Variants in ABCA13 observed in about 807,000 individuals in gnomAD.
ABCA13 encodes ATP binding cassette subfamily A member 13, also known as ATP-binding cassette sub-family A member 13.
Under a neutral mutation model 478.7 loss-of-function variants are expected in ABCA13, and 476 were observed. The ratio of observed to expected loss-of-function variants is 0.99; its 90% confidence interval spans 0.92 to 1.07. ABCA13 has a LOEUF of 1.07. ABCA13 is among the 50% of genes least tolerant of loss of function. The pLI is 0.00. For missense variants in ABCA13, 6,060 were observed against 5,910.6 expected (o/e 1.03, Z -0.83); for synonymous variants, 2,252 against 2,158.9 (o/e 1.04, Z -1.20).
chr7:48,249,718 A>C (rs1223915957), intron 15 of ABCA13, among the ~76,000 whole-genome samples: 1 of 152,190 alleles, frequency 6.6e-6, no homozygotes, highest in South Asian at 2.1e-4. Context: ...ATTAAGATTG[A>C]TGCTCACACT....
At chr7:48,472,598 G>T (rs1400679099) in intron 45 of ABCA13, among the ~76,000 whole-genome samples, 1 of 152,116 alleles carries the variant, frequency 6.6e-6, no homozygotes, top group African/African-American at 2.4e-5. Context: ...TGTAATAAGT[G>T]AAAGAAAGAG....
At chr7:48,316,759 A>C (rs887017209) in intron 26 of ABCA13, among the ~76,000 whole-genome samples, 1 of 152,218 alleles carries the variant, frequency 6.6e-6, no homozygotes, top group African/African-American at 2.4e-5. Context: ...TGCCATGTGC[A>C]GAGATCACAG....
chr7:48,562,892 A>C (rs1487013615), intron 55 of ABCA13, among the ~76,000 whole-genome samples: 1 of 152,076 alleles, frequency 6.6e-6, no homozygotes, highest in Non-Finnish European at 1.5e-5. Context: ...TGATACTAAT[A>C]TGTTGTGATT....
At chr7:48,293,890 C>T (rs1798940918) in intron 20 of ABCA13, among the ~76,000 whole-genome samples, 1 of 152,030 alleles carries the variant, frequency 6.6e-6, no homozygotes, top group Non-Finnish European at 1.5e-5. Context: ...TCCAGATGTT[C>T]CCCAGAGTCT....
Position 48,274,932 on chromosome 7 carries a change from C to T in ABCA13, c.5266C>T (p.Leu1756Phe). 6.2e-7 allele frequency: 1 copy of T among 1,613,838 alleles called. No homozygotes were observed. Among genetic ancestry groups the T allele is most frequent in the Non-Finnish European group, 8.5e-7 (1 of 1,179,762 alleles). Residue 1756 changes from leucine (L) to phenylalanine (F), a missense_variant, in exon 17 of 62, where the codon CTC becomes TTC. Leu to Phe is a conservative substitution (Grantham distance 22). This residue lies in a region of ABCA13 where 4,423 missense variants were observed against 4,309.1 expected (regional missense o/e 1.03). Coordinates refer to ENST00000435803, the MANE Select transcript of ABCA13 (RefSeq NM_152701.5). ...CTATGTGCTTCCTCATGCTGTAAGG[C>T]TCCTGCAGGGAGTACCTGGTAAAAA... Reference protein sequence around the residue: ...VYYVLPHAVRLLQGVPGKNIT... With the variant: ...VYYVLPHAVRFLQGVPGKNIT...
At chr7:48,252,146 G>A (rs1222538126) in intron 15 of ABCA13, among the ~76,000 whole-genome samples, 3 of 152,018 alleles carry the variant, frequency 2.0e-5, no homozygotes, top group Non-Finnish European at 2.9e-5. Flanking sequence ...TCTTCTGCAT[G>A]TGTACATTGG....
chr7:48,430,980 A>C (rs1822065248), intron 42 of ABCA13, among the ~76,000 whole-genome samples: 1 of 152,154 alleles, frequency 6.6e-6, no homozygotes, highest in Non-Finnish European at 1.5e-5. Context: ...ATTTACTGCT[A>C]TAAATTTTTC....
rs779881501 is a variant in ABCA13 at position 48,489,282 on chromosome 7, A to G, written c.13229A>G (p.Asn4410Ser). 2.5e-6 allele frequency: 4 copies of G among 1,613,078 alleles called. No homozygotes were observed. The highest frequency in any genetic ancestry group is 2.7e-5 in the African/African-American group (2 of 75,018). ...KGFHSLPSYLNHLNNLILWQH... is the reference protein window; with the variant it reads ...KGFHSLPSYLSHLNNLILWQH... ...TTTCATTCCCTACCTTCCTACTTAA[A>G]TCATCTAAACAACCTTATTTTGTGG... Residue 4410 changes from asparagine to serine, a missense_variant, in exon 48 of 62, where the codon AAT (asparagine) becomes AGT (serine). Coordinates refer to ENST00000435803, the MANE Select transcript of ABCA13 (RefSeq NM_152701.5).
chr7:48,405,633 T>A (rs1177582924), intron 39 of ABCA13, among the ~76,000 whole-genome samples: 1 of 152,216 alleles, frequency 6.6e-6, no homozygotes, highest in Non-Finnish European at 1.5e-5. Context: ...CTGTGAATTG[T>A]GGTGCAAATT....
chr7:48,570,556 C>G (rs1042275129), intron 55 of ABCA13, among the ~76,000 whole-genome samples: 32 of 151,770 alleles, frequency 2.1e-4, no homozygotes, highest in Admixed American at 2.0e-3. Flanking sequence ...ATCTCCTCAC[C>G]TCGTGATCCA....
rs145262576 is a variant in ABCA13 at position 48,620,282 on chromosome 7, A to C, written c.14837+4905A>C. On this transcript the variant is annotated intron_variant, in intron 59 of 61. Transcript: ENST00000435803. Reference sequence around the variant, plus strand: ...GAATTGGAATTTGAGAGCAAGTAAGAGGGACAGATACCAGTCAAAGCAAAG... The same window carrying C: ...GAATTGGAATTTGAGAGCAAGTAAGCGGGACAGATACCAGTCAAAGCAAAG... Among the ~76,000 whole-genome samples the C allele has an allele frequency of 2.6e-5, 4 of 152,338 alleles. No homozygotes were observed. In the East Asian group the frequency reaches 7.7e-4, roughly 29 times the overall value.
intron 59 of ABCA13, among the ~76,000 whole-genome samples, chr7:48,621,308 T>A (rs888065820): frequency 1.3e-5 from 2 of 152,228 alleles, no homozygotes. Flanking sequence ...GTAGAGTGTT[T>A]AATATCCACA....
At position 48,278,983 on chromosome 7, in the gene ABCA13, T is replaced by G. The variant is rs1362094626; in HGVS notation, c.7789T>G (p.Leu2597Val). The change falls in exon 18 of 62, where the codon TTG (leucine) becomes GTG (valine). Residue 2597 changes from leucine (L) to valine (V), a missense_variant. This residue lies in a region of ABCA13 where 4,423 missense variants were observed against 4,309.1 expected (regional missense o/e 1.03). Transcript: ENST00000435803. ...TGATTTGTTGGTGCCATTTCTTGAC[T>G]TGGCCTTTGAAATGATTGGGGTAGA... is the stretch of plus-strand genomic sequence containing the variant. ...INDLLVPFLDLAFEMIGVEPY... is the reference protein window; with the variant it reads ...INDLLVPFLDVAFEMIGVEPY... The G allele has an allele frequency of 1.2e-6, 2 of 1,613,314 alleles. No homozygotes were observed. Among genetic ancestry groups the G allele is most frequent in the Non-Finnish European group, 1.7e-6 (2 of 1,179,812 alleles).
At chr7:48,421,079 G>A (rs2362302) in intron 41 of ABCA13, among the ~76,000 whole-genome samples, 58,005 of 152,078 alleles carry the variant, frequency 0.38, 11,706 homozygotes, top group African/African-American at 0.51. Flanking sequence ...CACTGCTCCT[G>A]GCTGCCTGCT....
chr7:48,375,620 G>GC (rs1813354202), intron 34 of ABCA13, among the ~76,000 whole-genome samples: 1 of 151,988 alleles, frequency 6.6e-6, no homozygotes, highest in African/African-American at 2.4e-5. Flanking sequence ...TTTTTTGGGG[G>GC]GGGGTGTTTT....
Position 48,455,108 on chromosome 7 carries a change from G to A in ABCA13, c.12637G>A (p.Ala4213Thr). 6.4e-7 allele frequency: 1 copy of A among 1,556,546 alleles called. No individual in the cohort carries two copies. The highest frequency in any genetic ancestry group is 8.7e-7 in the Non-Finnish European group (1 of 1,150,944). The change falls in exon 43 of 62, where the codon GCC becomes ACC. Residue 4213 changes from alanine to threonine, a missense_variant. Transcript: ENST00000435803. ...CCGCGCACAAGTGGCCGCGATCCTG[G>A]CCCGGAGGCTCCGCCGCACGCTGCG... ...LLRAQVAAIL[A>T]RRLRRTLRAG...
intron 38 of ABCA13, among the ~76,000 whole-genome samples, chr7:48,394,868 G>A (rs1364589654): frequency 6.6e-6 from 1 of 152,094 alleles, no homozygotes; most frequent in Non-Finnish European, 1.5e-5. Flanking sequence ...AACCTCAGGT[G>A]CAAACAATGA....
In ABCA13 at chr7:48,580,282, C is replaced by T. The variant is rs1451720354; in HGVS notation, c.14413C>T (p.Gln4805Ter). 2 of 1,612,124 alleles carry T rather than the reference C, an allele frequency of 1.2e-6. No individual in the cohort carries two copies. Among genetic ancestry groups the T allele is most frequent in the Non-Finnish European group, 1.7e-6 (2 of 1,179,186 alleles). Reference sequence around the variant, plus strand: ...AGGCGTGCTCATTGGCTACTGTCCCCAGCAGGATGCCCTGGACGAGCTTCT... The same window carrying T: ...AGGCGTGCTCATTGGCTACTGTCCCTAGCAGGATGCCCTGGACGAGCTTCT... ...TAGVLIGYCP[Q>*]QDALDELLTG... Residue 4805 changes from glutamine to a stop codon, truncating the protein, a stop_gained, in exon 56 of 62, where the codon CAG (glutamine) becomes TAG (stop). Coordinates refer to ENST00000435803, the MANE Select transcript of ABCA13 (RefSeq NM_152701.5). LOFTEE classifies it high-confidence loss of function.
chr7:48,394,538 AT>A (rs1348202326), intron 38 of ABCA13, among the ~76,000 whole-genome samples: 2 of 152,094 alleles, frequency 1.3e-5, no homozygotes, highest in African/African-American at 4.8e-5. Context: ...TATTTACGAC[AT>A]TTATCATTTC....
Sources: allele counts gnomAD v4.1 joint callset (sites outside exome capture counted in the v4.1 genomes callset), GRCh38; gene constraint gnomAD v4.1.1; regional missense constraint gnomAD v4.1.1; transcripts MANE v1.5; gene names NCBI Gene and HGNC (gene_info 2026-07-23, HGNC 2026-07-21).